The following MAGI1 variants were observed in gnomAD, a reference collection of about 807,000 sequenced individuals.
The protein encoded by MAGI1 is membrane-associated guanylate kinase, WW and PDZ domain-containing protein 1.
In MAGI1, 58 loss-of-function variants were observed where a neutral mutation model predicts 139.9. That is an observed-to-expected ratio of 0.41 (90% CI 0.34 to 0.52). The LOEUF is 0.52. Ranked by LOEUF, MAGI1 falls within the 20% of genes least tolerant of loss-of-function variation. The probability of loss-of-function intolerance (pLI) is 0.12; values close to 1 mark genes in which losing one functional copy is unlikely to be tolerated. For synonymous variants in MAGI1, 812 were observed against 737.9 expected (o/e 1.10, Z -1.63); for missense variants, 1,874 against 1,901.6 (o/e 0.99, Z 0.27).
intron 13 of MAGI1, 137 bp downstream of exon 13, chr3:65,401,302 G>A (rs759324187): frequency 2.6e-5 from 28 of 1,076,112 alleles, no homozygotes; most frequent in Non-Finnish European, 3.6e-5. Flanking sequence ...TTAAGAAAAT[G>A]AGCCCCGGCT....
intron 2 of MAGI1, among the ~76,000 whole-genome samples, chr3:65,575,850 T>C (rs1394223274): frequency 6.6e-6 from 1 of 152,150 alleles, no homozygotes; most frequent in Admixed American, 6.5e-5. Flanking sequence ...TAATTCTAGA[T>C]AAAACAAACT....
chr3:65,493,418 T>A, intron 3 of MAGI1, 94 bp downstream of exon 3: 1 of 1,507,248 alleles, frequency 6.6e-7, no homozygotes, highest in Non-Finnish European at 9.1e-7. Flanking sequence ...TGTTTAGACC[T>A]CCAGATTCCA....
intron 5 of MAGI1, among the ~76,000 whole-genome samples, chr3:65,453,945 G>C (rs1949208329): frequency 6.6e-6 from 1 of 152,136 alleles, no homozygotes; most frequent in Non-Finnish European, 1.5e-5. Context: ...GCTTGGAGAG[G>C]CTAAACATGT....
intron 2 of MAGI1, among the ~76,000 whole-genome samples, chr3:65,581,953 A>G (rs2081446924): frequency 6.6e-6 from 1 of 152,196 alleles, no homozygotes; most frequent in African/African-American, 2.4e-5. Flanking sequence ...TTTGATAAAT[A>G]TCTTTTGAAA....
intron 1 of MAGI1, among the ~76,000 whole-genome samples, chr3:65,807,871 G>A (rs1161171791): frequency 6.6e-6 from 1 of 152,170 alleles, no homozygotes; most frequent in African/African-American, 2.4e-5. Flanking sequence ...CAGAGCGATT[G>A]AGTAAATTAT....
intron 1 of MAGI1, among the ~76,000 whole-genome samples, chr3:65,766,783 G>A (rs2037514178): frequency 6.6e-6 from 1 of 152,022 alleles, no homozygotes; most frequent in Non-Finnish European, 1.5e-5. Context: ...CAGCTACTCA[G>A]GAGGCTGAGG....
intron 1 of MAGI1, among the ~76,000 whole-genome samples, chr3:66,004,664 T>A (rs987586433): frequency 6.6e-6 from 1 of 152,194 alleles, no homozygotes; most frequent in Non-Finnish European, 1.5e-5. Context: ...GTATCTGGCA[T>A]GGGAGCTATT....
At chr3:65,715,710 C>T (rs1048887626) in intron 1 of MAGI1, among the ~76,000 whole-genome samples, 2 of 152,118 alleles carry the variant, frequency 1.3e-5, no homozygotes, top group Non-Finnish European at 2.9e-5. Context: ...CTCAGGCACT[C>T]GCCATGCTGT....
chr3:65,922,102 G>A (rs764073670), intron 1 of MAGI1, among the ~76,000 whole-genome samples: 3 of 152,120 alleles, frequency 2.0e-5, no homozygotes, highest in Non-Finnish European at 2.9e-5. Context: ...CTTCAAAATC[G>A]CCTAAGATAC....
chr3:65,664,254 T>C (rs1001433869), intron 1 of MAGI1, among the ~76,000 whole-genome samples: 18 of 152,034 alleles, frequency 1.2e-4, no homozygotes, highest in Non-Finnish European at 2.2e-4. Flanking sequence ...CCAGAAAAAA[T>C]AAGCCACTTG....
At chr3:65,852,979 CAAAAAAAAAA>C (rs57460083) in intron 1 of MAGI1, among the ~76,000 whole-genome samples, 2 of 104,242 alleles carry the variant, frequency 1.9e-5, no homozygotes, top group African/African-American at 5.8e-5. Context: ...ACTAAAAATA[CAAAAAAAAAA>C]AAAAAAAAAA....
At chr3:65,899,101 A>AGAGAC (rs1369315892) in intron 1 of MAGI1, among the ~76,000 whole-genome samples, 1 of 151,950 alleles carries the variant, frequency 6.6e-6, no homozygotes, top group Admixed American at 6.6e-5. Context: ...ATTTTTTTGT[A>AGAGAC]GAGACGGGTT....
intron 1 of MAGI1, among the ~76,000 whole-genome samples, chr3:65,812,717 T>G (rs2108207669): frequency 7.1e-6 from 1 of 139,928 alleles, no homozygotes; most frequent in Non-Finnish European, 1.5e-5. Flanking sequence ...TTTTTTTTTT[T>G]TTTTTTTTTT....
chr3:65,621,126 T>C (rs2083646860), intron 2 of MAGI1, among the ~76,000 whole-genome samples: 1 of 152,134 alleles, frequency 6.6e-6, no homozygotes, highest in Admixed American at 6.5e-5. Flanking sequence ...AAATGGTATG[T>C]CTAGGAAAAT....
chr3:66,025,554 A>G (rs1054880426), intron 1 of MAGI1, among the ~76,000 whole-genome samples: 1 of 152,190 alleles, frequency 6.6e-6, no homozygotes, highest in Non-Finnish European at 1.5e-5. Context: ...AAAAAACAAA[A>G]AAACAAACAA....
rs376817598 is a variant in MAGI1 at position 65,501,398 on chromosome 3, G to A, written c.431-7767C>T. Among the ~76,000 whole-genome samples the A allele has an allele frequency of 2.4e-4, 33 of 138,294 alleles. 2 individuals carry two copies. Among genetic ancestry groups the A allele is most frequent in the Admixed American group, 2.1e-3 (26 of 12,220 alleles). The allele number at this position is 138,294 out of a possible 152,430, so 90.7% of individuals were successfully genotyped here. A position where few individuals can be genotyped will look rare whatever the true frequency, so the allele number is the denominator to read the frequency against. On this transcript the variant is annotated intron_variant, in intron 2 of 22. Coordinates refer to ENST00000402939, the MANE Select transcript of MAGI1 (RefSeq NM_001033057.2). ...GAGGCAGAGAACTGCTTGAACCCGG[G>A]AGCTGAGATCGTGCCACTGCACTCC... is the stretch of plus-strand genomic sequence containing the variant.
chr3:65,577,384 T>C (rs1167268314), intron 2 of MAGI1, among the ~76,000 whole-genome samples: 1 of 152,214 alleles, frequency 6.6e-6, no homozygotes, highest in Non-Finnish European at 1.5e-5. Context: ...GACTGAGCCA[T>C]ATCAAAGCCT....
intron 2 of MAGI1, among the ~76,000 whole-genome samples, chr3:65,506,528 T>TGA (rs1399519512): frequency 1.3e-5 from 2 of 152,196 alleles, no homozygotes. Flanking sequence ...TAATCACCAT[T>TGA]TTTCAAAGTC....
chr3:65,400,057 C>T (rs1944729539), intron 13 of MAGI1, among the ~76,000 whole-genome samples: 1 of 152,156 alleles, frequency 6.6e-6, no homozygotes, highest in East Asian at 1.9e-4. Flanking sequence ...TTATGAGACA[C>T]ATCTTCTGGA....
Sources: allele counts gnomAD v4.1 joint callset (sites outside exome capture counted in the v4.1 genomes callset), GRCh38; gene constraint gnomAD v4.1.1; transcripts MANE v1.5; gene names NCBI Gene and HGNC (gene_info 2026-07-23, HGNC 2026-07-21).